The following PDE4B variants were observed in gnomAD, a reference collection of about 807,000 sequenced individuals.
PDE4B encodes the protein 3',5'-cyclic-AMP phosphodiesterase 4B.
Under a neutral mutation model 82.2 loss-of-function variants are expected in PDE4B, and 20 were observed. The ratio of observed to expected loss-of-function variants is 0.24; its 90% CI spans 0.17 to 0.35. PDE4B has a LOEUF of 0.35. Ranked by LOEUF, PDE4B falls within the 10% of genes least tolerant of loss-of-function variation. PDE4B has a pLI of 1.00. For synonymous variants in PDE4B, 320 were observed against 318.9 expected, an observed-to-expected ratio of 1.00 and a Z score of -0.04; for missense variants, 655 against 907.2, an observed-to-expected ratio of 0.72 and a Z score of 3.57.
rs549814716 is a variant in PDE4B, at chr1:66,015,602, C to A, written c.281+96767C>A. Among the ~76,000 whole-genome samples the A allele has an allele frequency of 6.0e-5, 9 of 150,682 alleles. No homozygotes were observed. The South Asian group carries it at 1.5e-3, about 24-fold the overall frequency. The stretch of plus-strand genomic sequence containing the variant: ...GAGTATTTCCACAAGAAAAAAAAAA[C>A]AGAAAATTAAAGTGCAAAGATCTTA... On this transcript the variant is annotated intron_variant, in intron 3 of 16. Transcript: ENST00000341517.
intron 7 of PDE4B, among the ~76,000 whole-genome samples, chr1:66,310,722 T>C (rs945924938): frequency 6.6e-6 from 1 of 152,144 alleles, no homozygotes; most frequent in Non-Finnish European, 1.5e-5. Flanking sequence ...TACGTGCTAA[T>C]GCTTATGTCA....
chr1:66,133,355 T>G (rs1342200099), intron 3 of PDE4B, among the ~76,000 whole-genome samples: 1 of 152,228 alleles, frequency 6.6e-6, no homozygotes, highest in East Asian at 1.9e-4. Context: ...TTATTATTAT[T>G]ATTGCTTATT....
intron 15 of PDE4B, among the ~76,000 whole-genome samples, chr1:66,368,438 A>C (rs541661426): frequency 4.7e-4 from 72 of 152,332 alleles, no homozygotes; most frequent in African/African-American, 1.7e-3. Flanking sequence ...TCTTTCCACA[A>C]GTGGAAAATA....
intron 3 of PDE4B, among the ~76,000 whole-genome samples, chr1:66,244,032 A>G (rs1442465254): frequency 6.6e-6 from 1 of 152,240 alleles, no homozygotes; most frequent in Non-Finnish European, 1.5e-5. Context: ...GTGTGACCTC[A>G]TTTAAATGTT....
chr1:66,370,008 G>A (rs924423300), intron 16 of PDE4B, among the ~76,000 whole-genome samples: 2 of 151,872 alleles, frequency 1.3e-5, no homozygotes, highest in Non-Finnish European at 2.9e-5. Context: ...AAAATTGGTC[G>A]AGCATGGTAG....
chr1:65,940,628 G>T (rs963272679), intron 3 of PDE4B, among the ~76,000 whole-genome samples: 8 of 152,100 alleles, frequency 5.3e-5, no homozygotes, highest in Non-Finnish European at 1.0e-4. Context: ...ACTATGAGAT[G>T]CAGGTAGAGG....
rs528039900 is a variant in PDE4B at position 65,997,328 on chromosome 1, T to C, written c.281+78493T>C. 2.0e-5 allele frequency among the ~76,000 whole-genome samples: 3 copies of C among 152,296 alleles called. No homozygotes were observed. In the South Asian group the frequency reaches 6.2e-4, roughly 32 times the overall value. Reference sequence around the variant, plus strand: ...CCTTCTTCTCGTTTAGTTTTACCTGTATCTTGGAAATCTTTTCTCGTTTTA... The same window carrying C: ...CCTTCTTCTCGTTTAGTTTTACCTGCATCTTGGAAATCTTTTCTCGTTTTA... On this transcript the variant is annotated intron_variant, in intron 3 of 16. Transcript: ENST00000341517.
chr1:66,322,676 T>G (rs926339163), intron 7 of PDE4B, among the ~76,000 whole-genome samples: 1 of 151,692 alleles, frequency 6.6e-6, no homozygotes, highest in Non-Finnish European at 1.5e-5. Flanking sequence ...CTGGAGAGGA[T>G]GTGGAGAAAT....
chr1:65,873,292 G>A (rs542443468), intron 1 of PDE4B, among the ~76,000 whole-genome samples: 88 of 152,248 alleles, frequency 5.8e-4, no homozygotes, highest in Non-Finnish European at 1.2e-3. Context: ...GATAGAACTC[G>A]GGAAGTAAGA....
chr1:65,867,745 A>C (rs2100282532), intron 1 of PDE4B, among the ~76,000 whole-genome samples: 1 of 152,342 alleles, frequency 6.6e-6, no homozygotes, highest in Admixed American at 6.5e-5. Context: ...GCCCTACATC[A>C]TTGTTCAGAA....
chr1:66,112,411 C>CT (rs1031805984), intron 3 of PDE4B, among the ~76,000 whole-genome samples: 1 of 152,060 alleles, frequency 6.6e-6, no homozygotes, highest in Non-Finnish European at 1.5e-5. Flanking sequence ...ACCAGTGTGA[C>CT]TAGGAACATT....
chr1:65,997,147 A>T (rs1440602548), intron 3 of PDE4B, among the ~76,000 whole-genome samples: 1 of 76,856 alleles, frequency 1.3e-5, no homozygotes, highest in African/African-American at 5.2e-5. Flanking sequence ...CACCCCCCTG[A>T]CCCACCCCCG....
At chr1:66,157,120 C>T (rs1646516517) in intron 3 of PDE4B, among the ~76,000 whole-genome samples, 1 of 152,138 alleles carries the variant, frequency 6.6e-6, no homozygotes, top group Non-Finnish European at 1.5e-5. Context: ...CCAGTGCTCC[C>T]CTTCTCAGCA....
chr1:65,968,730 T>A (rs1168363840), intron 3 of PDE4B, among the ~76,000 whole-genome samples: 1 of 152,202 alleles, frequency 6.6e-6, no homozygotes, highest in Non-Finnish European at 1.5e-5. Flanking sequence ...CACATTACAA[T>A]GTAAATCCAT....
intron 3 of PDE4B, among the ~76,000 whole-genome samples, chr1:66,095,199 A>G (rs1310909642): frequency 1.3e-5 from 2 of 151,956 alleles, no homozygotes; most frequent in Admixed American, 6.6e-5. Context: ...TTTTTGAACT[A>G]GAAGAGTCTT....
intron 3 of PDE4B, among the ~76,000 whole-genome samples, chr1:65,946,888 T>C (rs947664470): frequency 2.0e-5 from 3 of 152,162 alleles, no homozygotes; most frequent in Middle Eastern, 6.8e-3. Context: ...CTGCTGAACA[T>C]TGTGATTCTC....
intron 3 of PDE4B, among the ~76,000 whole-genome samples, chr1:66,116,988 G>C (rs1288590159): frequency 6.6e-6 from 1 of 152,078 alleles, no homozygotes; most frequent in Non-Finnish European, 1.5e-5. Flanking sequence ...ATCCAGCTTT[G>C]GTCTTCCAAA....
At chr1:66,356,368 A>C (rs761193527) in intron 9 of PDE4B, among the ~76,000 whole-genome samples, 10 of 152,260 alleles carry the variant, frequency 6.6e-5, no homozygotes, top group Non-Finnish European at 5.9e-5. Context: ...ATTCAGTCTT[A>C]AAGGCACTTT....
intron 1 of PDE4B, among the ~76,000 whole-genome samples, chr1:65,859,470 G>A (rs776972760): frequency 4.6e-5 from 7 of 152,022 alleles, no homozygotes; most frequent in Non-Finnish European, 7.4e-5. Flanking sequence ...TACCATCTTT[G>A]TATAAATTAC....
Sources: allele counts gnomAD v4.1 joint callset (sites outside exome capture counted in the v4.1 genomes callset), GRCh38; gene constraint gnomAD v4.1.1; transcripts MANE v1.5; gene names NCBI Gene and HGNC (gene_info 2026-07-23, HGNC 2026-07-21).